Variants in FNDC3B observed in about 807,000 individuals in gnomAD.
The protein encoded by FNDC3B is fibronectin type III domain containing 3B, also known as fibronectin type III domain-containing protein 3B.
FNDC3B carries 12 observed loss-of-function variants against 151.5 expected under a neutral mutation model. That is an observed-to-expected ratio of 0.08 (90% confidence interval 0.05 to 0.13). The LOEUF (loss-of-function observed/expected upper bound fraction) is 0.13. Ranked by LOEUF, FNDC3B falls within the 10% of genes least tolerant of loss-of-function variation. The pLI is 1.00. For synonymous variants in FNDC3B, 528 were observed against 549.0 expected, an observed-to-expected ratio of 0.96 and a Z score of 0.54; for missense variants, 1,214 against 1,505.3, an observed-to-expected ratio of 0.81 and a Z score of 3.20.
At chr3:172,316,228 T>TGAG (rs1731783744) in intron 11 of FNDC3B, among the ~76,000 whole-genome samples, 1 of 152,076 alleles carries the variant, frequency 6.6e-6, no homozygotes. Context: ...CTCCAACTCC[T>TGAG]GACCTCAGGT....
chr3:172,092,259 C>T (rs79982180), intron 1 of FNDC3B, among the ~76,000 whole-genome samples: 4,271 of 152,226 alleles, frequency 0.028, 185 homozygotes, highest in African/African-American at 0.092. Flanking sequence ...GAGATTCAAG[C>T]TAAACGATTG....
intron 1 of FNDC3B, among the ~76,000 whole-genome samples, chr3:172,046,599 A>G (rs1374305518): frequency 6.6e-6 from 1 of 151,986 alleles, no homozygotes; most frequent in Non-Finnish European, 1.5e-5. Context: ...TTGGGATTAT[A>G]GGTTATGAGC....
intron 23 of FNDC3B, among the ~76,000 whole-genome samples, chr3:172,376,862 A>AG (rs1735170514): frequency 1.2e-5 from 1 of 84,842 alleles, no homozygotes; most frequent in African/African-American, 4.5e-5. Flanking sequence ...AAAAAAAAAA[A>AG]AAAGAAAGAA....
chr3:172,272,521 C>A (rs1281427726), intron 6 of FNDC3B, among the ~76,000 whole-genome samples: 9 of 152,076 alleles, frequency 5.9e-5, no homozygotes, highest in Non-Finnish European at 1.2e-4. Context: ...AGGAAATAAA[C>A]CTTATTTCAG....
chr3:172,261,806 C>T (rs955322665), intron 6 of FNDC3B, among the ~76,000 whole-genome samples: 4 of 152,122 alleles, frequency 2.6e-5, no homozygotes, highest in African/African-American at 7.3e-5. Context: ...AACATTTCCT[C>T]ATTTTTCTCT....
chr3:172,134,475 AATCTG>A, intron 3 of FNDC3B: 1 of 478,366 alleles, frequency 2.1e-6, no homozygotes, highest in Non-Finnish European at 4.2e-6. Flanking sequence ...ACTGGAATCT[AATCTG>A]AGGCTTTACT....
chr3:172,345,115 A>G (rs1396226434), intron 19 of FNDC3B, among the ~76,000 whole-genome samples: 1 of 152,250 alleles, frequency 6.6e-6, no homozygotes, highest in Admixed American at 6.5e-5. Flanking sequence ...CAAGTTTATT[A>G]AGAAAGTAAA....
intron 2 of FNDC3B, among the ~76,000 whole-genome samples, chr3:172,116,356 A>G (rs1720245135): frequency 6.6e-6 from 1 of 152,170 alleles, no homozygotes; most frequent in Non-Finnish European, 1.5e-5. Flanking sequence ...AACCTTAACT[A>G]CAATTAATTT....
chr3:172,068,421 G>C (rs1717609489), intron 1 of FNDC3B, among the ~76,000 whole-genome samples: 1 of 125,648 alleles, frequency 8.0e-6, no homozygotes, highest in Non-Finnish European at 1.7e-5. Flanking sequence ...TTTGTGAGGA[G>C]CCTTTTTTTT....
chr3:172,368,834 A>C (rs893267792), intron 23 of FNDC3B, among the ~76,000 whole-genome samples: 1 of 152,162 alleles, frequency 6.6e-6, no homozygotes, highest in African/African-American at 2.4e-5. Flanking sequence ...AACATGGCGA[A>C]AACCCGTCTC....
At chr3:172,242,784 CT>C in intron 4 of FNDC3B, among the ~76,000 whole-genome samples, 1 of 152,216 alleles carries the variant, frequency 6.6e-6, no homozygotes, top group East Asian at 1.9e-4. Flanking sequence ...CTCTTTGTTA[CT>C]TAAGCAAATT....
At position 172,274,142 on chromosome 3, in the gene FNDC3B, G is replaced by C. The variant is rs939160364; in HGVS notation, c.791-11784G>C. ...GAAGTAATCTGGAGAATTATTATAG[G>C]ATATGGTCTTTCTTGACCAGCTTTT... On this transcript the variant is annotated intron_variant, in intron 6 of 25. Coordinates refer to ENST00000415807, the MANE Select transcript of FNDC3B (RefSeq NM_022763.4). Among the ~76,000 whole-genome samples the C allele has an allele frequency of 1.4e-4, 21 of 152,264 alleles. No individual in the cohort carries two copies. The South Asian group carries it at 4.2e-3, about 30-fold the overall frequency.
chr3:172,104,779 C>A (rs1719559413), intron 1 of FNDC3B, among the ~76,000 whole-genome samples: 1 of 152,130 alleles, frequency 6.6e-6, no homozygotes, highest in Non-Finnish European at 1.5e-5. Flanking sequence ...CAGATTTTCC[C>A]AGAATTTCAG....
intron 18 of FNDC3B, 35 bp downstream of exon 18, chr3:172,343,151 T>A (rs1264790326): frequency 1.8e-6 from 2 of 1,082,570 alleles, no homozygotes; most frequent in South Asian, 2.5e-5. Flanking sequence ...ACATTGACAA[T>A]TTGGACAATT....
intron 6 of FNDC3B, among the ~76,000 whole-genome samples, chr3:172,282,163 G>A (rs187743194): frequency 3.0e-4 from 45 of 152,250 alleles, no homozygotes; most frequent in African/African-American, 1.1e-3. Flanking sequence ...AGAGTTGATC[G>A]TTTATGTGGG....
chr3:172,397,536 A>T lies in FNDC3B; in HGVS notation c.*61A>T. The T allele has an allele frequency of 2.8e-6, 3 of 1,074,028 alleles. No homozygotes were observed. The highest frequency in any genetic ancestry group is 1.6e-5 in the South Asian group (1 of 60,828). The allele number at this position is 1,074,028 out of a possible 1,614,324, so 66.5% of individuals were successfully genotyped here. A position where few individuals can be genotyped will look rare whatever the true frequency, so the allele number is the denominator to read the frequency against. On this transcript the variant is annotated 3_prime_UTR_variant, in exon 26 of 26. Transcript: ENST00000415807. ...CATTTTAATACACACATTTATTCAG[A>T]TACTCCCCTTTTTAAAGCCCTTTTG...
chr3:172,058,896 A>C (rs1220205268), intron 1 of FNDC3B, among the ~76,000 whole-genome samples: 1 of 152,332 alleles, frequency 6.6e-6, no homozygotes, highest in East Asian at 1.9e-4. Context: ...AAAAACAAGG[A>C]GTTTCTACCA....
At chr3:172,328,312 A>C (rs1399932161) in intron 11 of FNDC3B, among the ~76,000 whole-genome samples, 5 of 152,218 alleles carry the variant, frequency 3.3e-5, no homozygotes, top group Non-Finnish European at 7.3e-5. Flanking sequence ...AGTTTGTCCA[A>C]AGCACTGTTA....
At chr3:172,243,256 T>C (rs62281798) in intron 4 of FNDC3B, among the ~76,000 whole-genome samples, 22,557 of 152,190 alleles carry the variant, frequency 0.15, 1,794 homozygotes, top group African/African-American at 0.21. Context: ...GTTTCAAAGT[T>C]GCTTCCACAT....
Sources: allele counts gnomAD v4.1 joint callset (sites outside exome capture counted in the v4.1 genomes callset), GRCh38; gene constraint gnomAD v4.1.1; transcripts MANE v1.5; gene names NCBI Gene and HGNC (gene_info 2026-07-23, HGNC 2026-07-21).